The following UTRN variants were observed in gnomAD, a reference collection of about 807,000 sequenced individuals.
The protein encoded by UTRN is dystrophin-related protein 1.
Under a neutral mutation model 463.9 loss-of-function variants are expected in UTRN, and 283 were observed. That is an observed-to-expected ratio of 0.61 (90% CI 0.55 to 0.67). UTRN has a LOEUF of 0.67. UTRN is among the 30% of genes least tolerant of loss of function. UTRN has a pLI of 0.00. For synonymous variants in UTRN, 1,442 were observed against 1,431.5 expected, an observed-to-expected ratio of 1.01 and a Z score of -0.17; for missense variants, 3,922 against 4,084.3, an observed-to-expected ratio of 0.96 and a Z score of 1.08.
chr6:144,305,056 C>T lies in UTRN; in HGVS notation c.79+13149C>T, dbSNP rs956177718. 2.0e-5 allele frequency among the ~76,000 whole-genome samples: 3 copies of T among 151,784 alleles called. No homozygotes were observed. In the South Asian group the frequency reaches 6.2e-4, roughly 32 times the overall value. ...AAACAATTCTTGTGCCTCAGCCACC[C>T]GAATAGCTGAGATTACAGGCATATA... On this transcript the variant is annotated intron_variant, in intron 2 of 74. Transcript: ENST00000367545.
Position 144,797,983 on chromosome 6 carries a change from G to A in UTRN, c.9238G>A (p.Gly3080Arg), listed in dbSNP as rs1233656821. ...CNICKECPIV[G>R]FRYRSLKHFN... ...CATCTGTAAAGAATGTCCAATTGTC[G>A]GGTTCAGGTAAGGCGTGCCAGTGCT... is the stretch of plus-strand genomic sequence containing the variant. Residue 3080 changes from glycine (G) to arginine (R), a missense_variant, in exon 64 of 75, where the codon GGG becomes AGG. Physicochemically the swap from Gly to Arg is moderately radical, Grantham distance 125 (BLOSUM62 -2). This residue lies in a region of UTRN where 1,309 missense variants were observed against 1,452.6 expected (regional missense o/e 0.90). Coordinates refer to ENST00000367545, the MANE Select transcript of UTRN (RefSeq NM_007124.3). 2 of 1,613,792 alleles carry A rather than the reference G, an allele frequency of 1.2e-6. No homozygotes were observed. Among genetic ancestry groups the A allele is most frequent in the Non-Finnish European group, 1.7e-6 (2 of 1,179,956 alleles).
chr6:144,568,570 G>A (rs1040383044), intron 50 of UTRN, among the ~76,000 whole-genome samples: 3 of 152,084 alleles, frequency 2.0e-5, no homozygotes, highest in Non-Finnish European at 2.9e-5. Context: ...TGCTGGATGC[G>A]ATCTTAGAAC....
rs757659187 is a variant in UTRN at position 144,487,702 on chromosome 6, G to C, written c.3972+5G>C. ...TATGAAGATCTAAGTCACCTGGTAA[G>C]AGTTGGGACATACATGGGTGTTGAT... On this transcript the variant is annotated splice_donor_5th_base_variant and intron_variant, in intron 29 of 74. Transcript: ENST00000367545. The C allele has an allele frequency of 6.2e-7, 1 of 1,607,220 alleles. No individual in the cohort carries two copies. The highest frequency in any genetic ancestry group is 8.5e-7 in the Non-Finnish European group (1 of 1,176,056).
At chr6:144,490,235 C>T in intron 31 of UTRN, 36 bp downstream of exon 31, 1 of 1,569,510 alleles carries the variant, frequency 6.4e-7, no homozygotes. Context: ...TACTTTTCAA[C>T]TTGTTGGGAA....
At chr6:144,348,242 A>G (rs1777777267) in intron 2 of UTRN, among the ~76,000 whole-genome samples, 1 of 152,152 alleles carries the variant, frequency 6.6e-6, no homozygotes, top group South Asian at 2.1e-4. Flanking sequence ...CTAGGTACCT[A>G]GCACACGCCC....
Position 144,291,875 on chromosome 6 carries a change from A to G in UTRN, c.47A>G (p.Asn16Ser). 6.2e-7 allele frequency: 1 copy of G among 1,613,416 alleles called. No homozygotes were observed. The highest frequency in any genetic ancestry group is 8.5e-7 in the Non-Finnish European group (1 of 1,179,622). The part of the protein sequence containing the change: ...EHEASPDNGQ[N>S]EFSDIIKSRS... ...GAAGCCAGTCCTGACAATGGGCAGA[A>G]CGAATTCAGTGATATCATTAAGTCC... Residue 16 changes from asparagine (N) to serine (S), a missense_variant, in exon 2 of 75, where the codon AAC becomes AGC. This residue lies in a region of UTRN where 264 missense variants were observed against 327.9 expected (regional missense o/e 0.81). Coordinates refer to ENST00000367545, the MANE Select transcript of UTRN (RefSeq NM_007124.3).
chr6:144,485,717 A>T (rs970659734), intron 28 of UTRN, among the ~76,000 whole-genome samples, 198 bp downstream of exon 28: 3 of 152,244 alleles, frequency 2.0e-5, no homozygotes, highest in Non-Finnish European at 4.4e-5. Flanking sequence ...CCATTATATC[A>T]GCCTCAAGAC....
At chr6:144,728,005 C>T (rs569160022) in intron 53 of UTRN, among the ~76,000 whole-genome samples, 40 of 149,496 alleles carry the variant, frequency 2.7e-4, no homozygotes, top group African/African-American at 9.4e-4. Context: ...GAGGCTGAGG[C>T]AGGAGAATCA....
At chr6:144,445,416 T>G (rs1237729186) in intron 14 of UTRN, among the ~76,000 whole-genome samples, 1 of 152,034 alleles carries the variant, frequency 6.6e-6, no homozygotes, top group East Asian at 1.9e-4. Flanking sequence ...TTGATTCTTT[T>G]AAATGCATTT....
intron 10 of UTRN, among the ~76,000 whole-genome samples, chr6:144,436,940 GTA>G (rs1198841702): frequency 7.0e-6 from 1 of 143,496 alleles, no homozygotes. Flanking sequence ...ATATGTGTGT[GTA>G]TATATATATA....
intron 34 of UTRN, among the ~76,000 whole-genome samples, chr6:144,508,169 C>T (rs1343677788): frequency 3.9e-5 from 6 of 152,122 alleles, no homozygotes; most frequent in African/African-American, 7.2e-5. Flanking sequence ...CTTAGCTTGC[C>T]GGGCTCCATG....
At chr6:144,816,779 C>T (rs1393103503) in intron 65 of UTRN, among the ~76,000 whole-genome samples, 4 of 143,708 alleles carry the variant, frequency 2.8e-5, no homozygotes, top group Admixed American at 2.2e-4. Context: ...GGGGTTTTGC[C>T]GTGTTGCCCA....
At chr6:144,641,553 A>G (rs1777765940) in intron 51 of UTRN, among the ~76,000 whole-genome samples, 4 of 152,126 alleles carry the variant, frequency 2.6e-5, no homozygotes, top group Non-Finnish European at 4.4e-5. Context: ...CTAGTTTTTC[A>G]GGTTAACTCT....
At chr6:144,631,270 G>A (rs1776491970) in intron 51 of UTRN, among the ~76,000 whole-genome samples, 1 of 145,346 alleles carries the variant, frequency 6.9e-6, no homozygotes, top group African/African-American at 2.5e-5. Context: ...GTGTGTGTGT[G>A]TAACTATTCT....
chr6:144,533,137 G>A lies in UTRN; in HGVS notation c.6110G>A (p.Arg2037Gln), dbSNP rs766391697. ...SHQPSFAALN[R>Q]TGDGIVQKLS... is the part of the protein sequence containing the mutation. ...CAGCCCAGTTTTGCAGCACTAAACC[G>A]AACTGGGGATGGGATTGTGCAGAAA... The change falls in exon 43 of 75, where the codon CGA becomes CAA. Residue 2037 changes from arginine (R) to glutamine (Q), a missense_variant. Arg to Gln is a conservative substitution (Grantham distance 43, BLOSUM62 1). Coordinates refer to ENST00000367545, the MANE Select transcript of UTRN (RefSeq NM_007124.3). The A allele has an allele frequency of 3.1e-5, 50 of 1,613,920 alleles. No homozygotes were observed. Among genetic ancestry groups the A allele is most frequent in the Non-Finnish European group, 3.8e-5 (45 of 1,179,972 alleles).
intron 51 of UTRN, among the ~76,000 whole-genome samples, chr6:144,605,197 A>G (rs1378812967): frequency 6.6e-6 from 1 of 152,154 alleles, no homozygotes; most frequent in Non-Finnish European, 1.5e-5. Flanking sequence ...GGACCTTCTC[A>G]GTTAATCCTA....
chr6:144,468,557 G>A (rs1790178503), intron 23 of UTRN, among the ~76,000 whole-genome samples: 1 of 151,066 alleles, frequency 6.6e-6, no homozygotes, highest in South Asian at 2.1e-4. Flanking sequence ...TTTATATTTC[G>A]TTTTGGTTTG....
At chr6:144,705,601 C>G (rs1208041230) in intron 53 of UTRN, among the ~76,000 whole-genome samples, 1 of 152,132 alleles carries the variant, frequency 6.6e-6, no homozygotes, top group East Asian at 1.9e-4. Context: ...CCCTAATCAC[C>G]TTCCAAAGAC....
intron 19 of UTRN, among the ~76,000 whole-genome samples, chr6:144,455,211 T>TAAA (rs1359859601): frequency 6.6e-6 from 1 of 152,192 alleles, no homozygotes; most frequent in African/African-American, 2.4e-5. Context: ...ATCAATCCAT[T>TAAA]TATTATTAAT....
Sources: allele counts gnomAD v4.1 joint callset (sites outside exome capture counted in the v4.1 genomes callset), GRCh38; gene constraint gnomAD v4.1.1; regional missense constraint gnomAD v4.1.1; transcripts MANE v1.5; gene names NCBI Gene and HGNC (gene_info 2026-07-23, HGNC 2026-07-21).